Variants in JAZF1 observed in about 807,000 individuals in gnomAD.
The protein encoded by JAZF1 is JAZF zinc finger 1.
In JAZF1, 8 loss-of-function variants were observed where a neutral mutation model predicts 26.4. The observed-to-expected ratio is 0.30, with a 90% confidence interval of 0.18 to 0.55. JAZF1 has a LOEUF of 0.55. JAZF1 is among the 20% of genes least tolerant of loss of function. JAZF1 has a pLI of 0.94. For synonymous variants in JAZF1, 126 were observed against 122.3 expected (o/e 1.03, Z -0.20); for missense variants, 199 against 322.0 (o/e 0.62, Z 2.92).
chr7:27,891,874 T>G (rs1163180175), intron 3 of JAZF1, among the ~76,000 whole-genome samples: 1 of 152,102 alleles, frequency 6.6e-6, no homozygotes, highest in East Asian at 1.9e-4. Flanking sequence ...AAAACAAACA[T>G]TGATTCCAAC....
intron 1 of JAZF1, among the ~76,000 whole-genome samples, chr7:28,110,536 GGAAAAGGAAAA>G (rs1253565032): frequency 1.1e-4 from 10 of 87,710 alleles, no homozygotes; most frequent in South Asian, 4.8e-4. Flanking sequence ...GAAAAGGAAA[GGAAAAGGAAAA>G]GGAAAAGGAA....
intron 1 of JAZF1, among the ~76,000 whole-genome samples, chr7:28,136,553 C>T (rs1228554603): frequency 1.3e-5 from 2 of 152,354 alleles, no homozygotes; most frequent in South Asian, 2.1e-4. Flanking sequence ...GGGCTGCCTT[C>T]GGCACTGAGT....
At chr7:28,025,171 C>T (rs1478336494) in intron 1 of JAZF1, among the ~76,000 whole-genome samples, 2 of 152,188 alleles carry the variant, frequency 1.3e-5, no homozygotes, top group African/African-American at 4.8e-5. Context: ...ACACTCTTCC[C>T]CTCTTGGGGT....
chr7:27,978,883 G>A (rs902921328), intron 2 of JAZF1, among the ~76,000 whole-genome samples: 2 of 151,584 alleles, frequency 1.3e-5, no homozygotes, highest in African/African-American at 2.4e-5. Context: ...GGGTGTGTAT[G>A]TGTGTGTGTT....
In JAZF1 at chr7:27,998,719, C is replaced by G. The variant is rs566750326; in HGVS notation, c.116-6738G>C. Among the ~76,000 whole-genome samples, 13 of 152,322 alleles carry G rather than the reference C, an allele frequency of 8.5e-5. No homozygotes were observed. The South Asian group carries it at 2.7e-3, about 32-fold the overall frequency. On this transcript the variant is annotated intron_variant, in intron 1 of 4. Transcript: ENST00000283928. ...ACACTGTGCAGCACAATAACACCAT[C>G]TATTAAAACAAGCATTCATATTCAC...
chr7:27,869,093 AT>A (rs1380709247), intron 3 of JAZF1, among the ~76,000 whole-genome samples: 1 of 152,234 alleles, frequency 6.6e-6, no homozygotes, highest in Non-Finnish European at 1.5e-5. Context: ...TGTTCATAAA[AT>A]GTCTTGTGGA....
chr7:28,026,514 C>A (rs1184380317), intron 1 of JAZF1, among the ~76,000 whole-genome samples: 1 of 152,138 alleles, frequency 6.6e-6, no homozygotes, highest in Non-Finnish European at 1.5e-5. Flanking sequence ...TCAGGTTCCT[C>A]CGGGTGACTG....
At chr7:28,008,228 A>C (rs1782737897) in intron 1 of JAZF1, among the ~76,000 whole-genome samples, 1 of 151,966 alleles carries the variant, frequency 6.6e-6, no homozygotes, top group Non-Finnish European at 1.5e-5. Context: ...ATTAATTATT[A>C]TTATTTTTTT....
intron 1 of JAZF1, among the ~76,000 whole-genome samples, chr7:28,120,498 G>GTTATTTTTTTTTTTT: frequency 2.4e-5 from 1 of 41,094 alleles, no homozygotes; most frequent in South Asian, 8.9e-4. Flanking sequence ...GCCACACACA[G>GTTATTTTTTTTTTTT]TTCTTTTTTT....
chr7:28,084,903 G>C (rs1369013905), intron 1 of JAZF1, among the ~76,000 whole-genome samples: 1 of 152,150 alleles, frequency 6.6e-6, no homozygotes, highest in Non-Finnish European at 1.5e-5. Flanking sequence ...AACATTTATG[G>C]ATTAATAGGT....
intron 1 of JAZF1, among the ~76,000 whole-genome samples, chr7:28,083,190 G>C (rs1457125597): frequency 6.6e-6 from 1 of 151,998 alleles, no homozygotes; most frequent in African/African-American, 2.4e-5. Flanking sequence ...TGCTCTCTTG[G>C]GGTTCACATC....
chr7:27,878,187 TGA>T (rs2128339090), intron 3 of JAZF1, among the ~76,000 whole-genome samples: 1 of 152,300 alleles, frequency 6.6e-6, no homozygotes, highest in African/African-American at 2.4e-5. Context: ...GGAATGTGAC[TGA>T]GAGGAATAAG....
At chr7:28,132,934 T>C (rs1019456093) in intron 1 of JAZF1, among the ~76,000 whole-genome samples, 2 of 151,992 alleles carry the variant, frequency 1.3e-5, no homozygotes, top group African/African-American at 4.8e-5. Flanking sequence ...AATACCTTTA[T>C]GGATAAAAAT....
At chr7:28,170,210 C>A (rs1783433586) in intron 1 of JAZF1, among the ~76,000 whole-genome samples, 1 of 152,016 alleles carries the variant, frequency 6.6e-6, no homozygotes, top group African/African-American at 2.4e-5. Context: ...ATCGCTGGAG[C>A]CCAAAAGTTC....
At chr7:27,977,116 T>A (rs1418756096) in intron 2 of JAZF1, among the ~76,000 whole-genome samples, 1 of 152,228 alleles carries the variant, frequency 6.6e-6, no homozygotes, top group African/African-American at 2.4e-5. Context: ...AGGAAAGATC[T>A]CTATTGACTG....
At chr7:28,026,729 T>C (rs890854871) in intron 1 of JAZF1, among the ~76,000 whole-genome samples, 5 of 152,170 alleles carry the variant, frequency 3.3e-5, no homozygotes, top group African/African-American at 1.2e-4. Flanking sequence ...CTATACCCAG[T>C]AGTCATTTAC....
At chr7:27,901,759 C>T (rs1784163853) in intron 2 of JAZF1, among the ~76,000 whole-genome samples, 3 of 152,174 alleles carry the variant, frequency 2.0e-5, no homozygotes, top group African/African-American at 7.2e-5. Context: ...CTCCGGGAGT[C>T]ACTGTATTCA....
At chr7:27,929,811 T>C (rs1205130849) in intron 2 of JAZF1, among the ~76,000 whole-genome samples, 3 of 152,196 alleles carry the variant, frequency 2.0e-5, no homozygotes, top group South Asian at 2.1e-4. Flanking sequence ...TAAAAATGCA[T>C]GTAATATATG....
intron 3 of JAZF1, among the ~76,000 whole-genome samples, chr7:27,891,213 T>C (rs1265293249): frequency 6.6e-6 from 1 of 152,254 alleles, no homozygotes; most frequent in Non-Finnish European, 1.5e-5. Context: ...TGGAAAACTG[T>C]GGCCTATGGG....
Sources: gnomAD v4.1 joint callset for allele counts (sites outside exome capture counted in the v4.1 genomes callset) on GRCh38, gnomAD v4.1.1 for gene constraint, MANE v1.5 for transcripts, NCBI Gene and HGNC (gene_info 2026-07-23, HGNC 2026-07-21) for gene names.